The following WWOX variants were observed in gnomAD, a reference collection of about 807,000 sequenced individuals.
WWOX encodes the protein WW domain-containing oxidoreductase.
A neutral mutation model predicts 46.2 loss-of-function variants in WWOX; 69 were observed. The ratio of observed to expected loss-of-function variants is 1.49; its 90% CI spans 1.23 to 1.82. WWOX has a LOEUF of 1.82. Ranked by LOEUF, WWOX falls within the 40% of genes most tolerant of loss-of-function variation. WWOX has a pLI of 0.00. For missense variants in WWOX, 919 were observed against 542.6 expected (o/e 1.69, Z -6.89); for synonymous variants, 359 against 202.6 (o/e 1.77, Z -6.56).
chr16:78,099,799 G>A lies in WWOX; in HGVS notation c.21G>A (p.Ala7=). Residue 7 remains alanine (A), a synonymous_variant, in exon 1 of 9, where the codon GCG becomes GCA. Transcript: ENST00000566780. ...CAGCCATGGCAGCGCTGCGCTACGC[G>A]GGGCTGGACGACACGGACAGTGAGG... The part of the protein sequence containing the change: MAALRY[A]GLDDTDSEDE... 2 of 1,567,534 alleles carry A rather than the reference G, an allele frequency of 1.3e-6. No homozygotes were observed. The highest frequency in any genetic ancestry group is 8.6e-7 in the Non-Finnish European group (1 of 1,158,440).
At chr16:78,998,761 C>G (rs1263657440) in intron 8 of WWOX, among the ~76,000 whole-genome samples, 1 of 152,204 alleles carries the variant, frequency 6.6e-6, no homozygotes, top group Non-Finnish European at 1.5e-5. Flanking sequence ...AGCGTTGCTT[C>G]TATTGAATGA....
intron 8 of WWOX, among the ~76,000 whole-genome samples, chr16:78,978,108 A>T (rs1322979819): frequency 2.6e-5 from 4 of 152,184 alleles, no homozygotes; most frequent in African/African-American, 9.7e-5. Flanking sequence ...ATTTTATTTA[A>T]GTGGGATCAT....
At chr16:78,935,984 G>A (rs1001630398) in intron 8 of WWOX, among the ~76,000 whole-genome samples, 8 of 152,124 alleles carry the variant, frequency 5.3e-5, no homozygotes, top group African/African-American at 1.7e-4. Flanking sequence ...AGGGTGTGAT[G>A]GGATTTTAGT....
intron 8 of WWOX, among the ~76,000 whole-genome samples, chr16:78,444,281 A>G (rs940868327): frequency 6.6e-6 from 1 of 152,096 alleles, no homozygotes; most frequent in Non-Finnish European, 1.5e-5. Flanking sequence ...CTCTGAGCAA[A>G]TCACTTATCC....
At position 78,796,245 on chromosome 16, in the gene WWOX, C is replaced by T. The variant is rs112645314; in HGVS notation, c.1056+363493C>T. ...TTAGTATAGACATTCAGCAACTGGC[C>T]TCCCATACTGTGATTCACTGACCCA... is the stretch of plus-strand genomic sequence containing the variant. On this transcript the variant is annotated intron_variant, in intron 8 of 8. Transcript: ENST00000566780. Among the ~76,000 whole-genome samples the T allele has an allele frequency of 1.2e-3, 181 of 152,338 alleles. 1 individual carries two copies. Among genetic ancestry groups the T allele is most frequent in the African/African-American group, 4.1e-3 (170 of 41,584 alleles).
chr16:78,611,188 G>A (rs138478358), intron 8 of WWOX, among the ~76,000 whole-genome samples: 3 of 152,140 alleles, frequency 2.0e-5, no homozygotes, highest in Admixed American at 6.5e-5. Flanking sequence ...TTTGCCCTTG[G>A]ACAAGGGAGT....
intron 8 of WWOX, among the ~76,000 whole-genome samples, chr16:78,836,208 C>G (rs1411341491): frequency 6.6e-6 from 1 of 151,928 alleles, no homozygotes; most frequent in Admixed American, 6.6e-5. Flanking sequence ...ATTTACTCTT[C>G]CTTTGCACAG....
chr16:78,682,756 C>A (rs1419094918), intron 8 of WWOX, among the ~76,000 whole-genome samples: 3 of 152,142 alleles, frequency 2.0e-5, no homozygotes, highest in African/African-American at 7.2e-5. Context: ...AGGTATTTCT[C>A]CCCTTCACGG....
At chr16:78,332,069 C>A (rs1197065574) in intron 5 of WWOX, among the ~76,000 whole-genome samples, 1 of 152,144 alleles carries the variant, frequency 6.6e-6, no homozygotes, top group Non-Finnish European at 1.5e-5. Flanking sequence ...TCTGTTGAGG[C>A]TCAGCTCAAG....
intron 8 of WWOX, among the ~76,000 whole-genome samples, chr16:78,751,287 A>G (rs931601492): frequency 6.6e-6 from 1 of 151,668 alleles, no homozygotes; most frequent in African/African-American, 2.4e-5. Context: ...ATTATTTCTG[A>G]CATCTAGCAT....
chr16:79,196,032 A>C (rs16949886), intron 8 of WWOX, among the ~76,000 whole-genome samples: 5,791 of 152,244 alleles, frequency 0.038, 353 homozygotes, highest in African/African-American at 0.13. Flanking sequence ...GACGCTTCTC[A>C]TGCAATTTAA....
chr16:78,468,324 G>A (rs545930298), intron 8 of WWOX, among the ~76,000 whole-genome samples: 1 of 150,622 alleles, frequency 6.6e-6, no homozygotes, highest in East Asian at 2.0e-4. Context: ...AGACTGTGAG[G>A]CCCCACCTGT....
chr16:78,868,139 G>C (rs989810603), intron 8 of WWOX, among the ~76,000 whole-genome samples: 22 of 152,178 alleles, frequency 1.4e-4, no homozygotes, highest in African/African-American at 5.3e-4. Flanking sequence ...ATGTCCATTA[G>C]CTGGGGAATG....
At chr16:78,129,535 T>C (rs1182806904) in intron 4 of WWOX, among the ~76,000 whole-genome samples, 1 of 152,060 alleles carries the variant, frequency 6.6e-6, no homozygotes, top group Non-Finnish European at 1.5e-5. Flanking sequence ...GTGATAGTGA[T>C]TAAGGGAGGT....
At chr16:78,575,522 A>G (rs1177877774) in intron 8 of WWOX, among the ~76,000 whole-genome samples, 1 of 152,020 alleles carries the variant, frequency 6.6e-6, no homozygotes. Context: ...ATTTCACCCC[A>G]TCCTAAGATC....
intron 8 of WWOX, among the ~76,000 whole-genome samples, chr16:79,208,028 C>G (rs868337641): frequency 6.6e-6 from 1 of 152,156 alleles, no homozygotes; most frequent in Non-Finnish European, 1.5e-5. Flanking sequence ...TTCTAAATCC[C>G]ACCTTTCTGT....
intron 8 of WWOX, among the ~76,000 whole-genome samples, chr16:78,682,526 C>T (rs1013897745): frequency 2.0e-5 from 3 of 152,012 alleles, no homozygotes; most frequent in South Asian, 2.1e-4. Context: ...GAGGCTGCAA[C>T]GACTTACGAT....
rs528221914 is a variant in WWOX, at chr16:78,321,327, C to T, written c.517-65533C>T. Among the ~76,000 whole-genome samples, 81 of 58,158 alleles carry T rather than the reference C, an allele frequency of 1.4e-3. 6 individuals are homozygous for T. Among genetic ancestry groups the T allele is most frequent in the African/African-American group, 6.1e-3 (61 of 9,972 alleles). The allele number at this position is 58,158 out of a possible 152,430, so 38.2% of individuals were successfully genotyped here. A position where few individuals can be genotyped will look rare whatever the true frequency, so the allele number is the denominator to read the frequency against. Reference sequence around the variant, plus strand: ...ACGTATATATATGCGTATATATATACGTATATATGCGTATATATATACGTA... The same window carrying T: ...ACGTATATATATGCGTATATATATATGTATATATGCGTATATATATACGTA... On this transcript the variant is annotated intron_variant, in intron 5 of 8. Transcript: ENST00000566780.
At chr16:78,646,628 A>C (rs1369660353) in intron 8 of WWOX, among the ~76,000 whole-genome samples, 1 of 152,140 alleles carries the variant, frequency 6.6e-6, no homozygotes, top group African/African-American at 2.4e-5. Context: ...AGGTTTCACC[A>C]TGTTGGCCAA....
Sources: gnomAD v4.1 joint callset for allele counts (sites outside exome capture counted in the v4.1 genomes callset) on GRCh38, gnomAD v4.1.1 for gene constraint, MANE v1.5 for transcripts, NCBI Gene and HGNC (gene_info 2026-07-23, HGNC 2026-07-21) for gene names.